AATK: variants seen among roughly 807,000 people sequenced by gnomAD.
The protein encoded by AATK is lemur tail kinase 1, also known as serine/threonine-protein kinase LMTK1.
In AATK, 91 loss-of-function variants were observed where a neutral mutation model predicts 114.3. The observed-to-expected ratio is 0.80, with a 90% CI of 0.67 to 0.95. AATK has a LOEUF of 0.95. Among genes scored for constraint, AATK ranks in the 40% least tolerant of loss-of-function variants. The pLI, the probability that AATK is intolerant of heterozygous loss-of-function variation, is 0.00. For missense variants in AATK, 2,176 were observed against 1,965.2 expected (o/e 1.11, Z -2.03); for synonymous variants, 1,075 against 916.5 (o/e 1.17, Z -3.12).
chr17:81,124,693 C>T (rs536582596), intron 9 of AATK, 34 bp downstream of exon 9: 16 of 1,603,804 alleles, frequency 1.0e-5, no homozygotes, highest in East Asian at 6.7e-5. Flanking sequence ...CACTCGGCCT[C>T]GGCCCCTCAC....
chr17:81,121,547 G>A lies in AATK; in HGVS notation c.2389C>T (p.Pro797Ser), dbSNP rs1399473910. 1 of 1,533,022 alleles carries A rather than the reference G, an allele frequency of 6.5e-7. No homozygotes were observed. 95.0% of individuals were successfully genotyped at this position (1,533,022 alleles called of 1,614,324 possible). A position where few individuals can be genotyped will look rare whatever the true frequency, so the allele number is the denominator to read the frequency against. Residue 797 changes from proline (P) to serine (S), a missense_variant, in exon 11 of 14, where the codon CCT (proline) becomes TCT (serine). Around this residue, in one of 4 missense-constraint regions of AATK, gnomAD observed 1,701 missense variants for 1,394.7 expected, o/e 1.22. Coordinates refer to ENST00000326724, the MANE Select transcript of AATK (RefSeq NM_001080395.3). ...EGTTGPRLPL[P>S]SVPSPSQEGA... ...TCCTGGGATGGGGAGGGGACGGAAG[G>A]AAGGGGCAGGCGGGGTCCGGTAGTG...
At chr17:81,154,002 C>T (rs1260480942) in intron 1 of AATK, among the ~76,000 whole-genome samples, 1 of 152,032 alleles carries the variant, frequency 6.6e-6, no homozygotes, top group Non-Finnish European at 1.5e-5. Flanking sequence ...ACCTGGGAGG[C>T]GGAGGCTGCA....
intron 1 of AATK, among the ~76,000 whole-genome samples, chr17:81,151,823 A>G (rs1039600813): frequency 6.6e-6 from 1 of 152,242 alleles, no homozygotes; most frequent in Non-Finnish European, 1.5e-5. Context: ...GGAGATGCAC[A>G]TGGTGGCCAG....
chr17:81,118,474 G>T (rs376939658), intron 13 of AATK, 32 bp from the exon 14 acceptor site: 1 of 1,600,606 alleles, frequency 6.2e-7, no homozygotes, highest in African/African-American at 1.3e-5. Context: ...TGAACACAGG[G>T]TTCTGAGACA....
rs1568220866 is a variant in AATK, at chr17:81,121,942, T to A, written c.1994A>T (p.Glu665Val). ...GGCGGCCCTCCGCGCTCCCACCTCC[T>A]CTAGCTCATCCTCGCCAGTCAGCGG... ...PLPLTGEDEL[E>V]EVGARRAAQR... The change falls in exon 11 of 14, where the codon GAG (glutamate) becomes GTG (valine). Residue 665 changes from glutamate to valine, a missense_variant. Glu to Val is a moderately radical substitution (Grantham distance 121). Transcript: ENST00000326724. The A allele has an allele frequency of 6.2e-7, 1 of 1,600,504 alleles. No individual in the cohort carries two copies. Among genetic ancestry groups the A allele is most frequent in the Non-Finnish European group, 8.5e-7 (1 of 1,177,740 alleles).
At chr17:81,142,342 G>A (rs990392612) in intron 1 of AATK, among the ~76,000 whole-genome samples, 6 of 150,852 alleles carry the variant, frequency 4.0e-5, no homozygotes, top group Admixed American at 6.6e-5. Context: ...GTGCAATCAC[G>A]GCTCATGGCA....
chr17:81,165,873 C>T, intron 1 of AATK, 65 bp downstream of exon 1: 2 of 1,545,642 alleles, frequency 1.3e-6, no homozygotes, highest in Non-Finnish European at 1.7e-6. Context: ...GCCGTGGGGC[C>T]CAGGGGCATC....
At position 81,121,619 on chromosome 17, in the gene AATK, C is replaced by T; in HGVS notation, c.2317G>A (p.Gly773Ser). The T allele has an allele frequency of 6.7e-7, 1 of 1,494,400 alleles. No individual in the cohort carries two copies. Among genetic ancestry groups the T allele is most frequent in the South Asian group, 1.4e-5 (1 of 73,412 alleles). The allele number at this position is 1,494,400 out of a possible 1,614,324, so 92.6% of individuals were successfully genotyped here. The change falls in exon 11 of 14, where the codon GGT becomes AGT. Residue 773 changes from glycine to serine, a missense_variant. By Grantham distance (56) the Gly-to-Ser change is moderately conservative (BLOSUM62 0). Coordinates refer to ENST00000326724, the MANE Select transcript of AATK (RefSeq NM_001080395.3). ...PSWTETASSGGDHPQAEPKLA... is the reference protein window; with the variant it reads ...PSWTETASSGSDHPQAEPKLA... ...TTGGGCTCTGCCTGCGGGTGGTCAC[C>T]CCCACTACTGGCTGTCTCTGTCCAG...
At chr17:81,156,019 G>T (rs1205031297) in intron 1 of AATK, among the ~76,000 whole-genome samples, 1 of 152,102 alleles carries the variant, frequency 6.6e-6, no homozygotes, top group Non-Finnish European at 1.5e-5. Flanking sequence ...TATGTAACCT[G>T]AGCAGCCTGA....
At chr17:81,153,839 G>A (rs1241793154) in intron 1 of AATK, among the ~76,000 whole-genome samples, 1 of 152,190 alleles carries the variant, frequency 6.6e-6, no homozygotes, top group East Asian at 1.9e-4. Context: ...GGGAGGCTGA[G>A]GCAGGTGGAC....
rs774578188 is a variant in AATK at position 81,121,870 on chromosome 17, C to G, written c.2066G>C (p.Gly689Ala). The change falls in exon 11 of 14, where the codon GGC becomes GCC. Residue 689 changes from glycine to alanine, a missense_variant. Gly to Ala is a moderately conservative substitution (Grantham distance 60). This residue lies in a region of AATK where 1,701 missense variants were observed against 1,394.7 expected (regional missense o/e 1.22). Coordinates refer to ENST00000326724, the MANE Select transcript of AATK (RefSeq NM_001080395.3). ...GTCCCAGGACTCTGGACAGCGGCTG[C>G]CGCTGTTGTTGTTGGCTGACACGTT... The part of the protein sequence containing the change: ...RSNVSANNNS[G>A]SRCPESWDPV... 6.3e-7 allele frequency: 1 copy of G among 1,598,174 alleles called. No homozygotes were observed.
At chr17:81,138,560 A>C (rs1193526549) in intron 1 of AATK, among the ~76,000 whole-genome samples, 1 of 150,122 alleles carries the variant, frequency 6.7e-6, no homozygotes, top group Non-Finnish European at 1.5e-5. Context: ...ACACGTGCAC[A>C]CATACCCCCA....
chr17:81,122,612 C>A lies in AATK; in HGVS notation c.1324G>T (p.Ala442Ser). 1.4e-6 allele frequency: 2 copies of A among 1,421,638 alleles called. No individual in the cohort carries two copies. The highest frequency in any genetic ancestry group is 1.9e-6 in the Non-Finnish European group (2 of 1,077,220). 88.1% of individuals were successfully genotyped at this position (1,421,638 alleles called of 1,614,324 possible). A position where few individuals can be genotyped will look rare whatever the true frequency, so the allele number is the denominator to read the frequency against. Residue 442 changes from alanine (A) to serine (S), a missense_variant, in exon 11 of 14, where the codon GCC becomes TCC. Transcript: ENST00000326724. ...AGCAGCGGGAAGGACGAGGCAGCGG[C>A]GAGCTCCACCACGCCGCCCAGCATG... ...GPMLGGVVEL[A>S]AASSFPLLEQ...
In AATK at chr17:81,128,454, C is replaced by A; in HGVS notation, c.414+16G>T. 1 of 1,548,642 alleles carries A rather than the reference C, an allele frequency of 6.5e-7. No individual in the cohort carries two copies. The highest frequency in any genetic ancestry group is 1.2e-5 in the South Asian group (1 of 83,956). On this transcript the variant is annotated intron_variant, in intron 4 of 13. Transcript: ENST00000326724. ...CCTCCCAGGCGGGAGTCCTCCCTCC[C>A]AGGCGGGACACGTACCTTCCCGAAC... is the stretch of plus-strand genomic sequence containing the variant.
rs1451571215 is a variant in AATK, at chr17:81,122,486, C to G, written c.1450G>C (p.Gly484Arg). The change falls in exon 11 of 14, where the codon GGC (glycine) becomes CGC (arginine). Residue 484 changes from glycine (G) to arginine (R), a missense_variant. Coordinates refer to ENST00000326724, the MANE Select transcript of AATK (RefSeq NM_001080395.3). ...GLNFEYKWEA[G>R]RGAEAFPATL... is the part of the protein sequence containing the mutation. ...GCCGGGAAGGCCTCCGCGCCGCGGC[C>G]CGCCTCCCACTTGTACTCAAAATTG... is the stretch of plus-strand genomic sequence containing the variant. 6.9e-7 allele frequency: 1 copy of G among 1,458,968 alleles called. No homozygotes were observed. The highest frequency in any genetic ancestry group is 9.1e-7 in the Non-Finnish European group (1 of 1,100,752). The allele number at this position is 1,458,968 out of a possible 1,614,324, so 90.4% of individuals were successfully genotyped here.
chr17:81,126,589 C>A lies in AATK; in HGVS notation c.622-29G>T. On this transcript the variant is annotated intron_variant, in intron 6 of 13. Transcript: ENST00000326724. This position sits in a 1 kb window ranked among gnomAD's most constrained non-coding sequence, Gnocchi z 5.1. ...CAGAAAGGGGGTGTGGCGCAGTCACCAGCAGGCTGGGGGCTGGCCACCCTG... is the reference window on the plus strand; with the variant it reads ...CAGAAAGGGGGTGTGGCGCAGTCACAAGCAGGCTGGGGGCTGGCCACCCTG... 6.6e-7 allele frequency: 1 copy of A among 1,525,816 alleles called. No homozygotes were observed. The highest frequency in any genetic ancestry group is 1.2e-5 in the South Asian group (1 of 83,092). The allele number at this position is 1,525,816 out of a possible 1,614,324, so 94.5% of individuals were successfully genotyped here.
chr17:81,141,525 A>G (rs966015098), intron 1 of AATK, among the ~76,000 whole-genome samples: 3 of 151,962 alleles, frequency 2.0e-5, no homozygotes, highest in Non-Finnish European at 4.4e-5. Flanking sequence ...GAAATCTGTA[A>G]TCAGTGGCCA....
chr17:81,120,406 C>CA lies in AATK; in HGVS notation c.3529dup (p.Cys1177LeufsTer8). On this transcript the variant is annotated frameshift_variant, in exon 11 of 14. Transcript: ENST00000326724. LOFTEE classifies it high-confidence loss of function. ...CTCGCTAGGCTCCTGGACGCTGTAG[C>CA]AGCGGAGCTCCTCGTCAGACTCGTC... 1 of 1,596,990 alleles carries CA rather than the reference C, an allele frequency of 6.3e-7. No individual in the cohort carries two copies. Among genetic ancestry groups the CA allele is most frequent in the Non-Finnish European group, 8.5e-7 (1 of 1,170,676 alleles).
chr17:81,149,090 G>T (rs1355595301), intron 1 of AATK, among the ~76,000 whole-genome samples: 1 of 152,142 alleles, frequency 6.6e-6, no homozygotes, highest in Non-Finnish European at 1.5e-5. Flanking sequence ...TGAGCAAAAG[G>T]GATGGCCATC....
Sources: allele counts gnomAD v4.1 joint callset (sites outside exome capture counted in the v4.1 genomes callset), GRCh38; gene constraint gnomAD v4.1.1; regional missense constraint gnomAD v4.1.1; non-coding constraint Gnocchi (gnomAD v3.1); transcripts MANE v1.5; gene names NCBI Gene and HGNC (gene_info 2026-07-23, HGNC 2026-07-21).